KCNB2: variants seen among roughly 807,000 people sequenced by gnomAD.
KCNB2 encodes the protein delayed rectifier potassium channel protein.
In KCNB2, 15 loss-of-function variants were observed where a neutral mutation model predicts 61.5. The ratio of observed to expected loss-of-function variants is 0.24; its 90% CI spans 0.16 to 0.38. KCNB2 has a LOEUF of 0.38. Ranked by LOEUF, KCNB2 falls within the 10% of genes least tolerant of loss-of-function variation. The probability of loss-of-function intolerance (pLI) is 1.00; values close to 1 mark genes in which losing one functional copy is unlikely to be tolerated. For synonymous variants in KCNB2, 457 were observed against 446.0 expected, an observed-to-expected ratio of 1.02 and a Z score of -0.31; for missense variants, 828 against 1,125.2, an observed-to-expected ratio of 0.74 and a Z score of 3.78.
At chr8:72,795,465 T>C (rs909780633) in intron 2 of KCNB2, among the ~76,000 whole-genome samples, 1 of 152,214 alleles carries the variant, frequency 6.6e-6, no homozygotes, top group Non-Finnish European at 1.5e-5. Context: ...GTGAATGGAA[T>C]GGTAAGCTAT....
Position 72,767,725 on chromosome 8 carries a change from G to A in KCNB2, c.580-168210G>A, listed in dbSNP as rs79541420. Among the ~76,000 whole-genome samples the A allele has an allele frequency of 1.8e-3, 278 of 152,260 alleles. 6 individuals are homozygous for A. In the East Asian group the frequency reaches 0.049, roughly 27 times the overall value. ...GTTTTTGTGTGGATATGTGTTTTCAGTTCTCTAGGAGTGGAATTACTAGGT... is the reference window on the plus strand; with the variant it reads ...GTTTTTGTGTGGATATGTGTTTTCAATTCTCTAGGAGTGGAATTACTAGGT... On this transcript the variant is annotated intron_variant, in intron 2 of 2. Coordinates refer to ENST00000523207, the MANE Select transcript of KCNB2 (RefSeq NM_004770.3).
intron 2 of KCNB2, among the ~76,000 whole-genome samples, chr8:72,696,396 G>A (rs1405246259): frequency 6.6e-6 from 1 of 152,150 alleles, no homozygotes; most frequent in Non-Finnish European, 1.5e-5. Context: ...TAATCTCTTG[G>A]AGAACTTGAT....
chr8:72,822,659 G>T (rs1488929583), intron 2 of KCNB2, among the ~76,000 whole-genome samples: 1 of 152,060 alleles, frequency 6.6e-6, no homozygotes, highest in Admixed American at 6.6e-5. Flanking sequence ...TCTTTTTTAA[G>T]TGACTATAAA....
intron 1 of KCNB2, among the ~76,000 whole-genome samples, chr8:72,539,784 A>G (rs1260954566): frequency 6.6e-6 from 1 of 152,160 alleles, no homozygotes; most frequent in Non-Finnish European, 1.5e-5. Context: ...CAACAATTCA[A>G]CTTTCCAAGC....
At chr8:72,928,333 C>G (rs1445504646) in intron 2 of KCNB2, among the ~76,000 whole-genome samples, 7 of 151,932 alleles carry the variant, frequency 4.6e-5, no homozygotes, top group Admixed American at 2.6e-4. Context: ...GCTGCGACTA[C>G]AGGCACACGT....
intron 2 of KCNB2, among the ~76,000 whole-genome samples, chr8:72,852,779 A>G (rs1217049616): frequency 6.6e-6 from 1 of 152,250 alleles, no homozygotes; most frequent in East Asian, 1.9e-4. Context: ...TTAGAAGTTT[A>G]TAAAGTTGAT....
At chr8:72,616,862 G>A (rs1805627424) in intron 2 of KCNB2, among the ~76,000 whole-genome samples, 1 of 152,280 alleles carries the variant, frequency 6.6e-6, no homozygotes, top group East Asian at 1.9e-4. Flanking sequence ...TTTTCTCAGA[G>A]CTCTGTATTC....
At chr8:72,592,519 G>A (rs1807116792) in intron 2 of KCNB2, among the ~76,000 whole-genome samples, 1 of 151,716 alleles carries the variant, frequency 6.6e-6, no homozygotes, top group Non-Finnish European at 1.5e-5. Flanking sequence ...CTAAAATTAT[G>A]TTGTCTTTGG....
chr8:72,547,689 A>G lies in KCNB2; in HGVS notation c.-94+9804A>G, dbSNP rs180796920. On this transcript the variant is annotated intron_variant, in intron 1 of 2. Coordinates refer to ENST00000523207, the MANE Select transcript of KCNB2 (RefSeq NM_004770.3). ...TTGAGCAGAGAAGGAGTTGCTTCTT[A>G]TGAACGAGCAAAGAAAGTGATTTCT... Among the ~76,000 whole-genome samples the G allele has an allele frequency of 2.6e-3, 395 of 152,356 alleles. 3 individuals carry two copies. The highest frequency in any genetic ancestry group is 8.7e-3 in the African/African-American group (362 of 41,584).
At chr8:72,563,095 G>A (rs1806562687) in intron 1 of KCNB2, among the ~76,000 whole-genome samples, 2 of 152,084 alleles carry the variant, frequency 1.3e-5, no homozygotes, top group African/African-American at 4.8e-5. Context: ...TAAAGTAAAG[G>A]TTCTTGAAAT....
chr8:72,585,117 A>G (rs891581569), intron 2 of KCNB2, among the ~76,000 whole-genome samples: 1 of 152,174 alleles, frequency 6.6e-6, no homozygotes, highest in Admixed American at 6.5e-5. Flanking sequence ...AATACTTGTG[A>G]CATGGCTTAG....
intron 2 of KCNB2, among the ~76,000 whole-genome samples, chr8:72,797,890 G>A (rs1371559944): frequency 2.0e-5 from 3 of 152,182 alleles, no homozygotes; most frequent in Non-Finnish European, 4.4e-5. Flanking sequence ...TTTTTTTAAT[G>A]TGTTTTCATG....
rs182329999 is a variant in KCNB2 at position 72,629,578 on chromosome 8, C to G, written c.579+61265C>G. 3.9e-5 allele frequency among the ~76,000 whole-genome samples: 6 copies of G among 152,288 alleles called. No homozygotes were observed. The East Asian group carries it at 1.2e-3, about 29-fold the overall frequency. On this transcript the variant is annotated intron_variant, in intron 2 of 2. Transcript: ENST00000523207. Reference sequence around the variant, plus strand: ...TGGGAAAATGTGATGCTCTGATTGGCTATGCCTGATTCACATGCTCAGTTT... The same window carrying G: ...TGGGAAAATGTGATGCTCTGATTGGGTATGCCTGATTCACATGCTCAGTTT...
At chr8:72,863,216 C>T (rs959352494) in intron 2 of KCNB2, among the ~76,000 whole-genome samples, 4 of 152,176 alleles carry the variant, frequency 2.6e-5, no homozygotes, top group Admixed American at 2.0e-4. Context: ...GTAAACAGCA[C>T]TCCTACAGGG....
chr8:72,732,019 T>C (rs1484319334), intron 2 of KCNB2: 1 of 152,212 alleles, frequency 6.6e-6, no homozygotes, highest in Non-Finnish European at 1.5e-5. Context: ...CAGTTAGATG[T>C]GAGTTCCCTG....
chr8:72,783,403 C>T (rs1484079106), intron 2 of KCNB2, among the ~76,000 whole-genome samples: 1 of 152,138 alleles, frequency 6.6e-6, no homozygotes, highest in Admixed American at 6.6e-5. Context: ...CGCCTCTTCT[C>T]TCTGTTCTTC....
chr8:72,743,964 T>C (rs527395225), intron 2 of KCNB2, among the ~76,000 whole-genome samples: 4 of 152,328 alleles, frequency 2.6e-5, no homozygotes, highest in South Asian at 4.1e-4. Context: ...TTTTCCTATA[T>C]ATTTTTCACC....
intron 2 of KCNB2, among the ~76,000 whole-genome samples, chr8:72,826,523 G>A (rs1219140806): frequency 6.6e-6 from 1 of 152,190 alleles, no homozygotes; most frequent in Non-Finnish European, 1.5e-5. Context: ...GTACCTCACG[G>A]AGGAAAGAAT....
intron 2 of KCNB2, among the ~76,000 whole-genome samples, chr8:72,874,128 G>A (rs906062719): frequency 5.9e-5 from 9 of 152,230 alleles, no homozygotes; most frequent in Admixed American, 3.3e-4. Context: ...ATTTGCTCTC[G>A]TATCAGTTGG....
Sources: allele counts gnomAD v4.1 joint callset (sites outside exome capture counted in the v4.1 genomes callset), GRCh38; gene constraint gnomAD v4.1.1; transcripts MANE v1.5; gene names NCBI Gene and HGNC (gene_info 2026-07-23, HGNC 2026-07-21).